Variants in OLFML2B observed in about 807,000 individuals in gnomAD.
The protein encoded by OLFML2B is olfactomedin like 2B, also known as olfactomedin-like protein 2B.
A neutral mutation model predicts 74.9 loss-of-function variants in OLFML2B; 57 were observed. That is an observed-to-expected ratio of 0.76 (90% CI 0.61 to 0.95). The LOEUF is 0.95. OLFML2B is among the 40% of genes least tolerant of loss of function. The pLI, the probability that OLFML2B is intolerant of heterozygous loss-of-function variation, is 0.00. For synonymous variants in OLFML2B, 388 were observed against 405.8 expected, an observed-to-expected ratio of 0.96 and a Z score of 0.53; for missense variants, 986 against 970.6, an observed-to-expected ratio of 1.02 and a Z score of -0.21.
At chr1:161,984,392 G>T in intron 7 of OLFML2B, 116 bp from the exon 8 acceptor site, 1 of 1,367,020 alleles carries the variant, frequency 7.3e-7, no homozygotes, top group Admixed American at 2.6e-5. Context: ...TTGTGTCTTG[G>T]CTCTGCCACT....
chr1:162,022,260 T>TTTTTTTTTTTTTTCTTTTTTTC (rs1460566719), intron 1 of OLFML2B, among the ~76,000 whole-genome samples: 2 of 127,826 alleles, frequency 1.6e-5, no homozygotes, highest in African/African-American at 6.4e-5. Context: ...TTTTTTTTTT[T>TTTTTTTTTTTTTTCTTTTTTTC]TTTTTTTTGA....
At chr1:161,998,613 A>G (rs1401514688) in intron 5 of OLFML2B, among the ~76,000 whole-genome samples, 1 of 145,592 alleles carries the variant, frequency 6.9e-6, no homozygotes. Context: ...ACGCATAGTC[A>G]TGGGTCCTGA....
rs1690663513 is a variant in OLFML2B, at chr1:162,020,202, G to A, written c.175-20C>T. 2 of 1,610,942 alleles carry A rather than the reference G, an allele frequency of 1.2e-6. No individual in the cohort carries two copies. The highest frequency in any genetic ancestry group is 2.7e-5 in the African/African-American group (2 of 74,978). ...CAGCAACTAGACACACAGAAAACGGGTTAGGGGCATGCAAACACAGGTGTC... is the reference window on the plus strand; with the variant it reads ...CAGCAACTAGACACACAGAAAACGGATTAGGGGCATGCAAACACAGGTGTC... On this transcript the variant is annotated intron_variant, in intron 1 of 7. Transcript: ENST00000294794.
chr1:162,023,496 G>A lies in OLFML2B; in HGVS notation c.-66C>T. 2 of 1,376,142 alleles carry A rather than the reference G, an allele frequency of 1.5e-6. No homozygotes were observed. Among genetic ancestry groups the A allele is most frequent in the Non-Finnish European group, 1.9e-6 (2 of 1,050,426 alleles). 85.2% of individuals were successfully genotyped at this position (1,376,142 alleles called of 1,614,324 possible). A position where few individuals can be genotyped will look rare whatever the true frequency, so the allele number is the denominator to read the frequency against. ...GGCTGGGGCGGGGGGTCTCGGCAAGGACTTCTGCGAGAGGGTGTCCTCGCT... is the reference window on the plus strand; with the variant it reads ...GGCTGGGGCGGGGGGTCTCGGCAAGAACTTCTGCGAGAGGGTGTCCTCGCT... On this transcript the variant is annotated 5_prime_UTR_variant, in exon 1 of 8. Transcript: ENST00000294794.
chr1:162,020,631 A>G (rs1351903300), intron 1 of OLFML2B, among the ~76,000 whole-genome samples: 1 of 151,556 alleles, frequency 6.6e-6, no homozygotes, highest in Middle Eastern at 3.2e-3. Flanking sequence ...GGTTCAAGTG[A>G]TTCTCCTGCC....
At chr1:162,017,345 G>T in intron 3 of OLFML2B, 55 bp downstream of exon 3, 2 of 1,343,166 alleles carry the variant, frequency 1.5e-6, no homozygotes, top group South Asian at 2.4e-5. Flanking sequence ...TGGGACGTTT[G>T]ATATGCTTTT....
intron 6 of OLFML2B, among the ~76,000 whole-genome samples, chr1:161,997,158 A>C (rs961084337): frequency 6.6e-6 from 1 of 152,188 alleles, no homozygotes; most frequent in Non-Finnish European, 1.5e-5. Flanking sequence ...CTCTGTCTCA[A>C]AAAAGAAAAA....
At chr1:162,021,969 A>G (rs535631812) in intron 1 of OLFML2B, among the ~76,000 whole-genome samples, 1 of 152,286 alleles carries the variant, frequency 6.6e-6, no homozygotes, top group African/African-American at 2.4e-5. Context: ...TGAGGAGGCT[A>G]GTGTTTGATA....
intron 6 of OLFML2B, among the ~76,000 whole-genome samples, chr1:161,987,862 C>A (rs1200164184): frequency 6.6e-6 from 1 of 152,132 alleles, no homozygotes; most frequent in Non-Finnish European, 1.5e-5. Context: ...TGCTGCCCTG[C>A]GGATGAGCCC....
In OLFML2B at chr1:162,006,931, AAAC is replaced by A. The variant is rs561869643; in HGVS notation, c.547-461_547-459del. On this transcript the variant is annotated intron_variant, in intron 3 of 7. Coordinates refer to ENST00000294794, the MANE Select transcript of OLFML2B (RefSeq NM_015441.3). ...GAAGAGGTGGCCAAACAAACAAAAC[AAAC>A]AACAACAACAACAACAAAAAACTAC... Among the ~76,000 whole-genome samples, 428 of 152,188 alleles carry A rather than the reference AAAC, an allele frequency of 2.8e-3. 2 individuals are homozygous for A. The highest frequency in any genetic ancestry group is 9.5e-3 in the African/African-American group (395 of 41,498).
Position 162,019,980 on chromosome 1 carries a change from T to C in OLFML2B, c.377A>G (p.Asn126Ser), listed in dbSNP as rs145715533. The change falls in exon 2 of 8, where the codon AAT (asparagine) becomes AGT (serine). Residue 126 changes from asparagine (N) to serine (S), a missense_variant. Coordinates refer to ENST00000294794, the MANE Select transcript of OLFML2B (RefSeq NM_015441.3). Reference protein sequence around the residue: ...CACVAPPSALNPCEGDFRLQK... With the variant: ...CACVAPPSALSPCEGDFRLQK... ...GAGCCTGAAGTCTCCCTCGCAGGGA[T>C]TGAGGGCCGATGGGGGTGCTACACA... 5.0e-6 allele frequency: 8 copies of C among 1,614,122 alleles called. No individual in the cohort carries two copies. The highest frequency in any genetic ancestry group is 2.2e-5 in the East Asian group (1 of 44,870).
At chr1:162,004,583 G>C (rs1690169008) in intron 4 of OLFML2B, among the ~76,000 whole-genome samples, 1 of 152,040 alleles carries the variant, frequency 6.6e-6, no homozygotes, top group African/African-American at 2.4e-5. Context: ...CCTGCCTTTG[G>C]AACATGTGTG....
chr1:162,000,448 G>A (rs926074187), intron 4 of OLFML2B, 110 bp from the exon 5 acceptor site: 41 of 751,698 alleles, frequency 5.5e-5, no homozygotes, highest in African/African-American at 3.3e-4. Flanking sequence ...CAGCACTTCC[G>A]AAGAGCCAGG....
At chr1:162,012,055 T>C (rs16838789) in intron 3 of OLFML2B, among the ~76,000 whole-genome samples, 12,176 of 152,220 alleles carry the variant, frequency 0.08, 736 homozygotes, top group East Asian at 0.26. Context: ...GGCTGAAATA[T>C]ATTTTAGAAA....
Position 161,997,859 on chromosome 1 carries a change from G to C in OLFML2B, c.1440C>G (p.Ser480Arg), listed in dbSNP as rs1286810157. The change falls in exon 6 of 8, where the codon AGC becomes AGG. Residue 480 changes from serine to arginine, a missense_variant. Transcript: ENST00000294794. ...TCCGGATGTCATCTTCTTCTTCGGG[G>C]CTCAGCGTGGGGCTGGCAGGGGTTG... ...WGTTPASPTL[S>R]PEEEDDIRNV... The C allele has an allele frequency of 3.1e-6, 5 of 1,613,954 alleles. No homozygotes were observed. In the East Asian group the frequency reaches 1.1e-4, roughly 36 times the overall value.
Position 161,984,035 on chromosome 1 carries a change from G to A in OLFML2B, c.1893C>T (p.Leu631=), listed in dbSNP as rs1689513093. ...CCTCATCGTCCAGGGCCGGGTAGATGAGCCATAGGCCATTCTCGTCCACAG... is the reference window on the plus strand; with the variant it reads ...CCTCATCGTCCAGGGCCGGGTAGATAAGCCATAGGCCATTCTCGTCCACAG... The part of the protein sequence containing the change: ...DFAVDENGLW[L]IYPALDDEGF... Residue 631 remains leucine, a synonymous_variant, in exon 8 of 8, where the codon CTC becomes CTT. Transcript: ENST00000294794. 6.2e-6 allele frequency: 10 copies of A among 1,614,094 alleles called. No homozygotes were observed. The highest frequency in any genetic ancestry group is 7.6e-6 in the Non-Finnish European group (9 of 1,180,046).
rs1366410080 is a variant in OLFML2B at position 161,984,232 on chromosome 1, T to C, written c.1696A>G (p.Thr566Ala). Residue 566 changes from threonine to alanine, a missense_variant, in exon 8 of 8, where the codon ACA becomes GCA. By Grantham distance (58) the Thr-to-Ala change is moderately conservative. Coordinates refer to ENST00000294794, the MANE Select transcript of OLFML2B (RefSeq NM_015441.3). ...SYKLPYSWIGTGHVVYNGAFY... is the reference protein window; with the variant it reads ...SYKLPYSWIGAGHVVYNGAFY... ...GCGCCATTGTATACCACGTGGCCTG[T>C]GCCGATCCAGCTGTACGGGAGCTTG... 6.5e-7 allele frequency: 1 copy of C among 1,542,762 alleles called. No individual in the cohort carries two copies. The highest frequency in any genetic ancestry group is 2.3e-5 in the East Asian group (1 of 44,332).
intron 3 of OLFML2B, among the ~76,000 whole-genome samples, chr1:162,014,960 G>C (rs138787712): frequency 1.3e-5 from 2 of 152,102 alleles, no homozygotes; most frequent in South Asian, 4.2e-4. Context: ...AGAAACTTAC[G>C]GGGTTGATTA....
At chr1:162,010,622 C>T (rs992539900) in intron 3 of OLFML2B, among the ~76,000 whole-genome samples, 5 of 151,994 alleles carry the variant, frequency 3.3e-5, no homozygotes, top group African/African-American at 1.2e-4. Flanking sequence ...TGCGTGTGCC[C>T]GGGTGAGACC....
Sources: gnomAD v4.1 joint callset for allele counts (sites outside exome capture counted in the v4.1 genomes callset) on GRCh38, gnomAD v4.1.1 for gene constraint, MANE v1.5 for transcripts, NCBI Gene and HGNC (gene_info 2026-07-23, HGNC 2026-07-21) for gene names.